Variants in EYA4 observed in about 807,000 individuals in gnomAD.
EYA4 encodes the protein protein phosphatase EYA4.
Under a neutral mutation model 87.9 loss-of-function variants are expected in EYA4, and 31 were observed. That is an observed-to-expected ratio of 0.35 (90% confidence interval 0.27 to 0.48). EYA4 has a LOEUF of 0.48. EYA4 is among the 20% of genes least tolerant of loss of function. EYA4 has a pLI of 0.99. For synonymous variants in EYA4, 263 were observed against 270.6 expected, an observed-to-expected ratio of 0.97 and a Z score of 0.28; for missense variants, 678 against 761.4, an observed-to-expected ratio of 0.89 and a Z score of 1.29.
chr6:133,347,585 A>T (rs1484537458), intron 2 of EYA4, among the ~76,000 whole-genome samples: 1 of 152,220 alleles, frequency 6.6e-6, no homozygotes, highest in African/African-American at 2.4e-5. Context: ...CACAGTGTCT[A>T]GTAACAATTA....
chr6:133,321,752 C>T (rs143569718), intron 2 of EYA4, among the ~76,000 whole-genome samples: 1 of 152,266 alleles, frequency 6.6e-6, no homozygotes, highest in East Asian at 1.9e-4. Context: ...CTTTCCCCCA[C>T]AGCATCTTTT....
intron 2 of EYA4, among the ~76,000 whole-genome samples, chr6:133,365,486 T>TA (rs1200619493): frequency 6.6e-6 from 1 of 152,094 alleles, no homozygotes; most frequent in African/African-American, 2.4e-5. Flanking sequence ...TTTTATTACT[T>TA]ACATTTCCCA....
chr6:133,511,391 C>A (rs1314246493), intron 14 of EYA4, among the ~76,000 whole-genome samples: 1 of 151,816 alleles, frequency 6.6e-6, no homozygotes. Context: ...GAGTAAAATA[C>A]TTTGAGGGGG....
chr6:133,422,981 C>G (rs781709410), intron 3 of EYA4, among the ~76,000 whole-genome samples: 3 of 152,136 alleles, frequency 2.0e-5, no homozygotes, highest in Admixed American at 6.6e-5. Context: ...TGACTGCTTC[C>G]CATCCCAAAG....
intron 2 of EYA4, among the ~76,000 whole-genome samples, chr6:133,357,776 G>T (rs1017663368): frequency 1.3e-5 from 2 of 152,138 alleles, no homozygotes; most frequent in Non-Finnish European, 2.9e-5. Flanking sequence ...TTAAGGGAAG[G>T]TAAAGGGGTC....
Position 133,521,873 on chromosome 6 carries a change from C to A in EYA4, c.1617-1183C>A, listed in dbSNP as rs1228753324. Among the ~76,000 whole-genome samples the A allele has an allele frequency of 2.2e-5, 3 of 138,954 alleles. No individual in the cohort carries two copies. In the East Asian group the frequency reaches 6.6e-4, roughly 31 times the overall value. The allele number at this position is 138,954 out of a possible 152,430, so 91.2% of individuals were successfully genotyped here. A position where few individuals can be genotyped will look rare whatever the true frequency, so the allele number is the denominator to read the frequency against. ...AGTAAACTATCGCAAGAACAAAAAA[C>A]CAAACACTGCATATTCTCACTCATA... On this transcript the variant is annotated intron_variant, in intron 17 of 19. Coordinates refer to ENST00000355286, the MANE Select transcript of EYA4 (RefSeq NM_004100.5).
intron 1 of EYA4, among the ~76,000 whole-genome samples, chr6:133,265,785 C>T (rs1199034880): frequency 1.5e-4 from 23 of 152,122 alleles, no homozygotes; most frequent in Admixed American, 1.5e-3. Flanking sequence ...AAATAACTCC[C>T]CAACAGTTCA....
At chr6:133,245,738 T>G (rs1246916303) in intron 1 of EYA4, among the ~76,000 whole-genome samples, 3 of 152,224 alleles carry the variant, frequency 2.0e-5, no homozygotes, top group Admixed American at 2.0e-4. Flanking sequence ...GGAGCCAAAC[T>G]TGGCGTCATT....
chr6:133,406,570 T>A (rs1017036074), intron 3 of EYA4, among the ~76,000 whole-genome samples: 1 of 152,244 alleles, frequency 6.6e-6, no homozygotes, highest in Non-Finnish European at 1.5e-5. Flanking sequence ...TTAAAAATGT[T>A]CTAAGATTTG....
chr6:133,281,566 T>G (rs1777628780), intron 2 of EYA4, among the ~76,000 whole-genome samples: 2 of 152,248 alleles, frequency 1.3e-5, no homozygotes, highest in Admixed American at 6.5e-5. Context: ...CTCTTACATT[T>G]AGGTCTTTAG....
At chr6:133,348,125 T>A (rs1173728019) in intron 2 of EYA4, among the ~76,000 whole-genome samples, 1 of 152,172 alleles carries the variant, frequency 6.6e-6, no homozygotes, top group Non-Finnish European at 1.5e-5. Context: ...GATGATTAAG[T>A]ATCACTCCTT....
intron 3 of EYA4, among the ~76,000 whole-genome samples, chr6:133,440,486 A>G (rs2128608728): frequency 6.6e-6 from 1 of 152,312 alleles, no homozygotes; most frequent in Non-Finnish European, 1.5e-5. Flanking sequence ...CGTGTACACA[A>G]ATGACAATAA....
chr6:133,294,023 T>TTATATA (rs71771244), intron 2 of EYA4, among the ~76,000 whole-genome samples: 831 of 78,516 alleles, frequency 0.011, 16 homozygotes, highest in African/African-American at 0.016. Flanking sequence ...TAGGGTGATT[T>TTATATA]TATATATATA....
intron 13 of EYA4, among the ~76,000 whole-genome samples, chr6:133,496,546 G>C (rs77338548): frequency 0.058 from 8,853 of 152,184 alleles, 828 homozygotes; most frequent in African/African-American, 0.2. Context: ...GAATCCTGGA[G>C]CTTGCTCAGA....
intron 2 of EYA4, among the ~76,000 whole-genome samples, chr6:133,283,858 G>A (rs1777823855): frequency 6.6e-6 from 1 of 151,994 alleles, no homozygotes; most frequent in Non-Finnish European, 1.5e-5. Context: ...GGTCTCCAAA[G>A]GTCTCCAGTG....
chr6:133,361,291 AC>A (rs1784431362), intron 2 of EYA4, among the ~76,000 whole-genome samples: 1 of 152,190 alleles, frequency 6.6e-6, no homozygotes, highest in African/African-American at 2.4e-5. Flanking sequence ...TTTCTTTGGA[AC>A]CAAGGGCAGG....
intron 2 of EYA4, among the ~76,000 whole-genome samples, chr6:133,374,262 G>A (rs1027176865): frequency 4.6e-5 from 7 of 152,004 alleles, no homozygotes; most frequent in African/African-American, 1.7e-4. Context: ...GACAGTTGTA[G>A]TTGATGAAGA....
intron 13 of EYA4, among the ~76,000 whole-genome samples, chr6:133,501,963 C>T (rs1462346542): frequency 6.6e-6 from 1 of 152,110 alleles, no homozygotes; most frequent in African/African-American, 2.4e-5. Flanking sequence ...CTGGATCCTG[C>T]CCTGGTTATA....
intron 13 of EYA4, among the ~76,000 whole-genome samples, chr6:133,494,409 G>C (rs1394458987): frequency 6.6e-6 from 1 of 152,108 alleles, no homozygotes. Flanking sequence ...GGTTGGGAAG[G>C]GTAGTTGTTG....
Sources: allele counts gnomAD v4.1 joint callset (sites outside exome capture counted in the v4.1 genomes callset), GRCh38; gene constraint gnomAD v4.1.1; transcripts MANE v1.5; gene names NCBI Gene and HGNC (gene_info 2026-07-23, HGNC 2026-07-21).